Variants in ACSL1 observed in about 807,000 individuals in gnomAD.
ACSL1 encodes long-chain-fatty-acid--CoA ligase 1.
ACSL1 carries 41 observed loss-of-function variants against 98.4 expected under a neutral mutation model. The ratio of observed to expected loss-of-function variants is 0.42; its 90% CI spans 0.32 to 0.54. The LOEUF (loss-of-function observed/expected upper bound fraction) is 0.54. ACSL1 is among the 20% of genes least tolerant of loss of function. The pLI, the probability that ACSL1 is intolerant of heterozygous loss-of-function variation, is 0.13. For missense variants in ACSL1, 734 were observed against 883.1 expected (o/e 0.83, Z 2.14); for synonymous variants, 316 against 322.7 (o/e 0.98, Z 0.22).
intron 4 of ACSL1, among the ~76,000 whole-genome samples, chr4:184,783,442 A>T (rs1766669472): frequency 6.6e-6 from 1 of 152,164 alleles, no homozygotes; most frequent in African/African-American, 2.4e-5. Flanking sequence ...AGCATGCACT[A>T]GGAAAGCCTA....
Position 184,773,265 on chromosome 4 carries a change from G to A in ACSL1, c.842-111C>T. The A allele has an allele frequency of 1.1e-6, 1 of 941,828 alleles. No individual in the cohort carries two copies. Among genetic ancestry groups the A allele is most frequent in the Non-Finnish European group, 1.6e-6 (1 of 617,704 alleles). 58.3% of individuals were successfully genotyped at this position (941,828 alleles called of 1,614,324 possible). On this transcript the variant is annotated intron_variant, in intron 9 of 20. Transcript: ENST00000281455. This position sits in a 1 kb window ranked among gnomAD's most constrained non-coding sequence, Gnocchi z 4.3. The stretch of plus-strand genomic sequence containing the variant: ...ACACCTCTACTGTTAGATATATCGT[G>A]AAAACCAAATGTTGAACACTAAATT...
intron 12 of ACSL1, among the ~76,000 whole-genome samples, chr4:184,767,870 T>C (rs1310237417): frequency 6.6e-6 from 1 of 152,196 alleles, no homozygotes; most frequent in Non-Finnish European, 1.5e-5. Context: ...GTCACTTCTT[T>C]CAGTGTGGCC....
At position 184,760,505 on chromosome 4, in the gene ACSL1, TG is replaced by T. The variant is rs1762711465; in HGVS notation, c.1639-6del. ...GATAATTTTCAAGGTGCCATTCTGT[TG>T]ATCAGAGGGGAGGGGGTTATGAATG... On this transcript the variant is annotated splice_polypyrimidine_tract_variant and splice_region_variant and intron_variant, in intron 17 of 20. Coordinates refer to ENST00000281455, the MANE Select transcript of ACSL1 (RefSeq NM_001995.5). 1 of 1,613,962 alleles carries T rather than the reference TG, an allele frequency of 6.2e-7. No homozygotes were observed. The highest frequency in any genetic ancestry group is 1.3e-5 in the African/African-American group (1 of 74,930).
At position 184,757,623 on chromosome 4, in the gene ACSL1, T is replaced by TG. The variant is rs778905904; in HGVS notation, c.1956+11dup. 1 of 1,602,790 alleles carries TG rather than the reference T, an allele frequency of 6.2e-7. No individual in the cohort carries two copies. The highest frequency in any genetic ancestry group is 1.1e-5 in the South Asian group (1 of 88,416). On this transcript the variant is annotated intron_variant, in intron 20 of 20. Coordinates refer to ENST00000281455, the MANE Select transcript of ACSL1 (RefSeq NM_001995.5). This position sits in a 1 kb window ranked among gnomAD's most constrained non-coding sequence, Gnocchi z 4.5. ...TTTTACAGGAATTCACCCACTCAGA[T>TG]GAAGGTCATACCTGTTCAAATGGTT... is the stretch of plus-strand genomic sequence containing the variant.
intron 1 of ACSL1, among the ~76,000 whole-genome samples, chr4:184,809,656 C>A (rs1158124281): frequency 1.3e-5 from 2 of 151,892 alleles, no homozygotes; most frequent in Non-Finnish European, 2.9e-5. Context: ...ATTAGCCAGG[C>A]GTGGTGGCAG....
In ACSL1 at chr4:184,803,294, C is replaced by T. The variant is rs759359889; in HGVS notation, c.195+26G>A. 55 of 1,505,650 alleles carry T rather than the reference C, an allele frequency of 3.7e-5. No homozygotes were observed. The Middle Eastern group carries it at 7.1e-4, about 19-fold the overall frequency. 93.3% of individuals were successfully genotyped at this position (1,505,650 alleles called of 1,614,324 possible). A position where few individuals can be genotyped will look rare whatever the true frequency, so the allele number is the denominator to read the frequency against. On this transcript the variant is annotated intron_variant, in intron 2 of 20. Transcript: ENST00000281455. This position sits in a 1 kb window ranked among gnomAD's most constrained non-coding sequence, Gnocchi z 4.8. ...TCTGGGGAAATGCGGAGAAAACGCA[C>T]GAGGCAGGCTGGGCCCTCCACTCAC... is the stretch of plus-strand genomic sequence containing the variant.
chr4:184,760,599 T>C (rs72707731), intron 17 of ACSL1, 99 bp from the exon 18 acceptor site: 96,156 of 1,475,062 alleles, frequency 0.065, 3,493 homozygotes, highest in Non-Finnish European at 0.073. Context: ...ATACACACTA[T>C]TGATTAATTC....
chr4:184,803,312 C>A lies in ACSL1; in HGVS notation c.195+8G>T. The A allele has an allele frequency of 1.9e-6, 3 of 1,561,840 alleles. No individual in the cohort carries two copies. Among genetic ancestry groups the A allele is most frequent in the Non-Finnish European group, 2.6e-6 (3 of 1,150,864 alleles). On this transcript the variant is annotated splice_region_variant and intron_variant, in intron 2 of 20. Transcript: ENST00000281455. This position sits in a 1 kb window ranked among gnomAD's most constrained non-coding sequence, Gnocchi z 4.8. ...AAACGCACGAGGCAGGCTGGGCCCTCCACTCACCGCCACTTCCACTGACTG... is the reference window on the plus strand; with the variant it reads ...AAACGCACGAGGCAGGCTGGGCCCTACACTCACCGCCACTTCCACTGACTG...
intron 2 of ACSL1, among the ~76,000 whole-genome samples, chr4:184,789,700 G>A (rs892144479): frequency 6.6e-6 from 1 of 152,158 alleles, no homozygotes; most frequent in African/African-American, 2.4e-5. Context: ...TGGATAAGGC[G>A]GCAGGGCCTA....
rs1446351887 is a variant in ACSL1 at position 184,788,828 on chromosome 4, C to T, written c.196-97G>A. On this transcript the variant is annotated intron_variant, in intron 2 of 20. Coordinates refer to ENST00000281455, the MANE Select transcript of ACSL1 (RefSeq NM_001995.5). ...GCTAATTAACATATCCATTCCTTTA[C>T]ATTCTTGTCACTTATCTGTAGTGAG... 4.6e-6 allele frequency: 4 copies of T among 872,118 alleles called. No individual in the cohort carries two copies. In the African/African-American group the frequency reaches 5.0e-5, roughly 11 times the overall value. The allele number at this position is 872,118 out of a possible 1,614,324, so 54.0% of individuals were successfully genotyped here.
chr4:184,787,514 TA>T (rs1767593180), intron 3 of ACSL1, among the ~76,000 whole-genome samples: 1 of 152,024 alleles, frequency 6.6e-6, no homozygotes, highest in Non-Finnish European at 1.5e-5. Flanking sequence ...TTTGTAAGAT[TA>T]AAGAATACAT....
intron 7 of ACSL1, among the ~76,000 whole-genome samples, chr4:184,776,272 T>C (rs971573208): frequency 2.0e-5 from 3 of 152,218 alleles, no homozygotes; most frequent in African/African-American, 4.8e-5. Context: ...CTGAAAGCAC[T>C]TGGGTAAGGT....
chr4:184,779,388 C>T (rs1421923099), intron 5 of ACSL1, among the ~76,000 whole-genome samples: 3 of 152,204 alleles, frequency 2.0e-5, no homozygotes, highest in African/African-American at 4.8e-5. Context: ...CTGAGGCCCC[C>T]CCAGCCATGT....
intron 1 of ACSL1, among the ~76,000 whole-genome samples, chr4:184,809,783 G>A (rs893526938): frequency 5.9e-5 from 9 of 152,256 alleles, no homozygotes; most frequent in East Asian, 1.9e-4. Context: ...GCGACAGAGC[G>A]AGACTCTGTC....
chr4:184,768,000 A>G, intron 12 of ACSL1: 1 of 429,978 alleles, frequency 2.3e-6, no homozygotes, highest in Non-Finnish European at 4.0e-6. Flanking sequence ...AGGAGAGAAG[A>G]GGTAAACAGT....
chr4:184,758,137 A>T (rs564163244), intron 18 of ACSL1: 1 of 515,750 alleles, frequency 1.9e-6, no homozygotes, highest in East Asian at 3.0e-5. Flanking sequence ...TTTGCAATTA[A>T]TGTTTTTAAA....
At chr4:184,781,951 A>G (rs915034937) in intron 4 of ACSL1, among the ~76,000 whole-genome samples, 4 of 152,142 alleles carry the variant, frequency 2.6e-5, no homozygotes, top group African/African-American at 7.2e-5. Flanking sequence ...CAAATTCTCA[A>G]GAGTACTCTT....
chr4:184,773,813 A>G lies in ACSL1; in HGVS notation c.789+30T>C. 6.2e-7 allele frequency: 1 copy of G among 1,613,862 alleles called. No individual in the cohort carries two copies. The highest frequency in any genetic ancestry group is 8.5e-7 in the Non-Finnish European group (1 of 1,179,884). ...CTAGATATTGAAAACTACAAAGAGG[A>G]CAGAGCAGGGTCTGACACGGTGTGC... On this transcript the variant is annotated intron_variant, in intron 8 of 20. Coordinates refer to ENST00000281455, the MANE Select transcript of ACSL1 (RefSeq NM_001995.5). The surrounding 1 kb of genome is among the most constrained non-coding windows in gnomAD (Gnocchi z 4.3).
At position 184,780,331 on chromosome 4, in the gene ACSL1, C is replaced by T. The variant is rs1190186064; in HGVS notation, c.477+1G>A. 6.2e-7 allele frequency: 1 copy of T among 1,612,652 alleles called. No homozygotes were observed. Among genetic ancestry groups the T allele is most frequent in the Non-Finnish European group, 8.5e-7 (1 of 1,179,220 alleles). On this transcript the variant is annotated splice_donor_variant, in intron 5 of 20. Transcript: ENST00000281455. LOFTEE classifies it high-confidence loss of function. ...CATAGCAAGTACCTACTGGTTCATA[C>T]CTCAGGTCTATTTTGAGCAAAGATG...
Sources: allele counts gnomAD v4.1 joint callset (sites outside exome capture counted in the v4.1 genomes callset), GRCh38; gene constraint gnomAD v4.1.1; non-coding constraint Gnocchi (gnomAD v3.1); transcripts MANE v1.5; gene names NCBI Gene and HGNC (gene_info 2026-07-23, HGNC 2026-07-21).